CNGB3: variants seen among roughly 807,000 people sequenced by gnomAD.
CNGB3 encodes cyclic nucleotide-gated channel beta-3.
CNGB3 carries 86 observed loss-of-function variants against 92.8 expected under a neutral mutation model. The ratio of observed to expected loss-of-function variants is 0.93; its 90% confidence interval spans 0.78 to 1.11. CNGB3 has a LOEUF of 1.11. Among genes scored for constraint, CNGB3 ranks in the 50% least tolerant of loss-of-function variants. The probability of loss-of-function intolerance (pLI) is 0.00; values close to 1 mark genes in which losing one functional copy is unlikely to be tolerated. For synonymous variants in CNGB3, 333 were observed against 332.7 expected (o/e 1.00, Z -0.01); for missense variants, 1,026 against 956.8 (o/e 1.07, Z -0.95).
intron 12 of CNGB3, among the ~76,000 whole-genome samples, chr8:86,628,544 G>C (rs1332001510): frequency 6.6e-6 from 1 of 152,166 alleles, no homozygotes; most frequent in East Asian, 1.9e-4. Flanking sequence ...TATTTAGACT[G>C]TGTGCTGGCT....
chr8:86,721,311 G>A (rs931508263), intron 3 of CNGB3, among the ~76,000 whole-genome samples: 2 of 152,038 alleles, frequency 1.3e-5, no homozygotes, highest in African/African-American at 4.8e-5. Context: ...AAGTAACTCA[G>A]GAATGAAAAA....
chr8:86,659,806 C>T, intron 6 of CNGB3: 1 of 387,646 alleles, frequency 2.6e-6, no homozygotes. Flanking sequence ...GCTTTCTTTT[C>T]TTCTTCCAGT....
intron 13 of CNGB3, among the ~76,000 whole-genome samples, chr8:86,618,414 T>A (rs538186299): frequency 1.6e-3 from 239 of 152,338 alleles, no homozygotes; most frequent in Non-Finnish European, 2.9e-3. Context: ...CTCCATTTAA[T>A]AATAACTATG....
At chr8:86,707,284 G>C (rs1292391830) in intron 3 of CNGB3, among the ~76,000 whole-genome samples, 2 of 152,100 alleles carry the variant, frequency 1.3e-5, no homozygotes, top group Non-Finnish European at 2.9e-5. Flanking sequence ...TTTTAATAAA[G>C]AGAGACAGAT....
chr8:86,593,182 G>A (rs957228844), intron 15 of CNGB3, among the ~76,000 whole-genome samples: 1 of 152,178 alleles, frequency 6.6e-6, no homozygotes, highest in Non-Finnish European at 1.5e-5. Flanking sequence ...CCCCTTAGCA[G>A]GTCTTGATTT....
chr8:86,666,631 C>T (rs1823743156), intron 6 of CNGB3, among the ~76,000 whole-genome samples: 1 of 152,208 alleles, frequency 6.6e-6, no homozygotes, highest in Non-Finnish European at 1.5e-5. Flanking sequence ...ACAATCTAGG[C>T]ACTTCACAGG....
chr8:86,649,837 T>G (rs10216953), intron 7 of CNGB3, among the ~76,000 whole-genome samples: 48,165 of 151,430 alleles, frequency 0.32, 8,950 homozygotes, highest in Middle Eastern at 0.51. Flanking sequence ...TAAAAAGAAA[T>G]AATCATCAGA....
chr8:86,626,154 A>C (rs1822843747), intron 12 of CNGB3, 74 bp from the exon 13 acceptor site: 1 of 1,141,104 alleles, frequency 8.8e-7, no homozygotes, highest in Non-Finnish European at 1.3e-6. Context: ...ACAAGTAGAA[A>C]AATTTTTAAA....
chr8:86,709,216 A>G (rs1824705890), intron 3 of CNGB3, among the ~76,000 whole-genome samples: 1 of 152,168 alleles, frequency 6.6e-6, no homozygotes. Flanking sequence ...TGGTTCATTC[A>G]TTGTTATAGA....
intron 3 of CNGB3, among the ~76,000 whole-genome samples, chr8:86,703,673 G>T (rs1006220098): frequency 6.6e-6 from 1 of 152,004 alleles, no homozygotes; most frequent in East Asian, 1.9e-4. Context: ...GCTTTTGTTC[G>T]GCAGCCTGTA....
intron 3 of CNGB3, among the ~76,000 whole-genome samples, chr8:86,695,833 G>A (rs1183134871): frequency 6.6e-6 from 1 of 152,140 alleles, no homozygotes; most frequent in African/African-American, 2.4e-5. Flanking sequence ...TTGTCCCATG[G>A]AGTAATCCCT....
chr8:86,604,574 G>T (rs1376109062), intron 14 of CNGB3, among the ~76,000 whole-genome samples: 1 of 152,166 alleles, frequency 6.6e-6, no homozygotes, highest in African/African-American at 2.4e-5. Context: ...GGAAGAAGTT[G>T]CTTGGTCTAG....
At position 86,670,962 on chromosome 8, in the gene CNGB3, C is replaced by T. The variant is rs777404947; in HGVS notation, c.475G>A (p.Glu159Lys). 1.7e-5 allele frequency: 28 copies of T among 1,612,356 alleles called. No individual in the cohort carries two copies. The highest frequency in any genetic ancestry group is 2.1e-4 in the Middle Eastern group (1 of 4,738). The change falls in exon 4 of 18, where the codon GAA (glutamate) becomes AAA (lysine). Residue 159 changes from glutamate to lysine, a missense_variant. By Grantham distance (56) the Glu-to-Lys change is moderately conservative. Transcript: ENST00000320005. ...TGCTTACCAGTTTGTGGGCTGGCTTCGGGTGAGGAGAGATCTCCCTCTACC... is the reference window on the plus strand; with the variant it reads ...TGCTTACCAGTTTGTGGGCTGGCTTTGGGTGAGGAGAGATCTCCCTCTACC... ...KLVEGDLSSPEASPQTAKPTA... is the reference protein window; with the variant it reads ...KLVEGDLSSPKASPQTAKPTA...
At chr8:86,607,769 T>C (rs941067519) in intron 14 of CNGB3, among the ~76,000 whole-genome samples, 14 of 152,206 alleles carry the variant, frequency 9.2e-5, no homozygotes, top group Admixed American at 7.2e-4. Context: ...TGAACCATCC[T>C]GGGGATTAAG....
At chr8:86,707,073 G>A (rs1447089165) in intron 3 of CNGB3, among the ~76,000 whole-genome samples, 1 of 152,106 alleles carries the variant, frequency 6.6e-6, no homozygotes, top group Admixed American at 6.6e-5. Flanking sequence ...AATAATTTAA[G>A]AATAAAATCA....
At position 86,733,451 on chromosome 8, in the gene CNGB3, A is replaced by T. The variant is rs185983225; in HGVS notation, c.211+6204T>A. 1.8e-3 allele frequency among the ~76,000 whole-genome samples: 269 copies of T among 152,286 alleles called. 1 individual carries two copies. Among genetic ancestry groups the T allele is most frequent in the African/African-American group, 6.4e-3 (265 of 41,554 alleles). On this transcript the variant is annotated intron_variant, in intron 2 of 17. Coordinates refer to ENST00000320005, the MANE Select transcript of CNGB3 (RefSeq NM_019098.5). Reference sequence around the variant, plus strand: ...GGTAGAACAATTTATTTTCTTTTGGATATATACCCAGTAATGGGATTGCTG... The same window carrying T: ...GGTAGAACAATTTATTTTCTTTTGGTTATATACCCAGTAATGGGATTGCTG...
chr8:86,669,999 G>T (rs921491887), intron 4 of CNGB3, among the ~76,000 whole-genome samples: 5 of 152,002 alleles, frequency 3.3e-5, no homozygotes, highest in Non-Finnish European at 4.4e-5. Flanking sequence ...ACAGGCATGT[G>T]CCACCATGCC....
chr8:86,606,692 C>T (rs570249087), intron 14 of CNGB3, among the ~76,000 whole-genome samples: 42 of 152,266 alleles, frequency 2.8e-4, no homozygotes, highest in African/African-American at 9.9e-4. Context: ...GATATTAATT[C>T]ATCTAATTCT....
intron 3 of CNGB3, among the ~76,000 whole-genome samples, chr8:86,680,367 TG>T (rs1448906049): frequency 1.3e-5 from 2 of 152,154 alleles, no homozygotes; most frequent in Admixed American, 6.5e-5. Flanking sequence ...TTGATGTTAA[TG>T]AAAAAAACCA....
Sources: allele counts gnomAD v4.1 joint callset (sites outside exome capture counted in the v4.1 genomes callset), GRCh38; gene constraint gnomAD v4.1.1; transcripts MANE v1.5; gene names NCBI Gene and HGNC (gene_info 2026-07-23, HGNC 2026-07-21).